APC: variants seen among roughly 807,000 people sequenced by gnomAD.
APC encodes the protein APC regulator of Wnt signaling pathway, also known as adenomatous polyposis coli protein.
APC carries 72 observed loss-of-function variants against 247.0 expected under a neutral mutation model. The observed-to-expected ratio is 0.29, with a 90% CI of 0.24 to 0.35. APC has a LOEUF of 0.35. APC is among the 10% of genes least tolerant of loss of function. The pLI, the probability that APC is intolerant of heterozygous loss-of-function variation, is 1.00. For synonymous variants in APC, 1,254 were observed against 1,162.5 expected (o/e 1.08, Z -1.60); for missense variants, 3,400 against 3,360.7 (o/e 1.01, Z -0.29).
intron 8 of APC, among the ~76,000 whole-genome samples, chr5:112,803,107 A>T (rs995504232): frequency 1.3e-5 from 2 of 152,158 alleles, no homozygotes; most frequent in African/African-American, 2.4e-5. Flanking sequence ...GGGGCCATTT[A>T]GTTGGCAAAA....
At chr5:112,807,248 A>G (rs548176519) in intron 8 of APC, among the ~76,000 whole-genome samples, 4 of 152,042 alleles carry the variant, frequency 2.6e-5, no homozygotes, top group East Asian at 1.9e-4. Flanking sequence ...GAGTGTTTCT[A>G]TGGCAATTAC....
At chr5:112,737,669 A>AGGGGTAC (rs1285612239), upstream of APC, among the ~76,000 whole-genome samples, 1 of 152,134 alleles carries the variant, frequency 6.6e-6, no homozygotes, top group African/African-American at 2.4e-5. Flanking sequence ...CATACCCCCG[A>AGGGGTAC]GGGGTACGGG....
chr5:112,715,022 G>A (rs940396592), intron 1 of APC, among the ~76,000 whole-genome samples: 6 of 152,120 alleles, frequency 3.9e-5, no homozygotes, highest in African/African-American at 1.4e-4. Flanking sequence ...ATTTAAGAAC[G>A]CCTCATTCCT....
Position 112,792,558 on chromosome 5 carries a change from G to T in APC, c.729+29G>T, listed in dbSNP as rs577773961. 2.6e-6 allele frequency: 4 copies of T among 1,513,932 alleles called. No individual in the cohort carries two copies. The African/African-American group carries it at 4.1e-5, about 16-fold the overall frequency. The allele number at this position is 1,513,932 out of a possible 1,614,324, so 93.8% of individuals were successfully genotyped here. On this transcript the variant is annotated intron_variant, in intron 7 of 15. Transcript: ENST00000257430. ...AGTAAATTGCCTTTCTTGTTTGTGG[G>T]TATAAAAATAGGTAGTTATTCTGAG...
At chr5:112,796,196 A>G (rs1484063325) in intron 7 of APC, among the ~76,000 whole-genome samples, 1 of 152,200 alleles carries the variant, frequency 6.6e-6, no homozygotes, top group Non-Finnish European at 1.5e-5. Flanking sequence ...TTTCATAGTC[A>G]AAGTAATGTA....
rs572839648 is a variant in APC, at chr5:112,840,119, C to T, written c.4525C>T (p.Leu1509=). ...TTCTTGTTCATCCAGCCTGAGTGCT[C>T]TGAGCCTCGATGAGCCATTTATACA... ...GFSCSSSLSA[L]SLDEPFIQKD... Residue 1509 remains leucine, a synonymous_variant, in exon 16 of 16, where the codon CTG becomes TTG. Coordinates refer to ENST00000257430, the MANE Select transcript of APC (RefSeq NM_000038.6). This position sits in a 1 kb window ranked among gnomAD's most constrained non-coding sequence, Gnocchi z 4.1. The T allele has an allele frequency of 1.2e-5, 19 of 1,614,060 alleles. No homozygotes were observed. In the South Asian group the frequency reaches 1.6e-4, roughly 14 times the overall value.
chr5:112,768,748 G>A (rs539216894), intron 4 of APC, among the ~76,000 whole-genome samples: 96 of 150,804 alleles, frequency 6.4e-4, no homozygotes, highest in African/African-American at 2.2e-3. Flanking sequence ...GTACAGTAGC[G>A]TAGAACACAG....
intron 6 of APC, chr5:112,783,765 C>CAAAAAAAAAA (rs77929348): frequency 5.0e-5 from 10 of 198,040 alleles, no homozygotes; most frequent in African/African-American, 9.8e-5. Flanking sequence ...CCACTGCACT[C>CAAAAAAAAAA]AAAAAAAAAA....
intron 1 of APC, among the ~76,000 whole-genome samples, chr5:112,708,567 A>G (rs1000744572): frequency 6.6e-6 from 1 of 152,224 alleles, no homozygotes; most frequent in African/African-American, 2.4e-5. Context: ...TCGTTTTAAA[A>G]AAGAAGACCT....
At chr5:112,715,247 A>G (rs953262843) in intron 1 of APC, among the ~76,000 whole-genome samples, 1 of 152,234 alleles carries the variant, frequency 6.6e-6, no homozygotes, top group Non-Finnish European at 1.5e-5. Context: ...TAGTGTGGCA[A>G]CATTGAGTGG....
intron 10 of APC, 49 bp from the exon 11 acceptor site, chr5:112,821,847 G>A (rs781624753): frequency 7.1e-7 from 1 of 1,411,402 alleles, no homozygotes; most frequent in South Asian, 1.2e-5. Flanking sequence ...AAACATCATT[G>A]CTCTTCAAAT....
chr5:112,806,373 A>G (rs1761382720), intron 8 of APC, among the ~76,000 whole-genome samples: 1 of 152,210 alleles, frequency 6.6e-6, no homozygotes, highest in African/African-American at 2.4e-5. Context: ...TAAATAGTAG[A>G]TAACAATAAA....
At chr5:112,816,778 AG>A (rs1395235360) in intron 9 of APC, among the ~76,000 whole-genome samples, 7 of 151,664 alleles carry the variant, frequency 4.6e-5, no homozygotes, top group East Asian at 3.9e-4. Context: ...GGGCAACAAG[AG>A]CAAAACTCCA....
chr5:112,813,784 C>T (rs996316767), intron 8 of APC, among the ~76,000 whole-genome samples: 4 of 151,186 alleles, frequency 2.6e-5, no homozygotes, highest in African/African-American at 9.7e-5. Context: ...AAAAAAAAAT[C>T]ACCAAAAGTG....
Position 112,753,783 on chromosome 5 carries a change from T to C in APC, c.-18-1090T>C, listed in dbSNP as rs2439591. On this transcript the variant is annotated intron_variant, in intron 1 of 15. Coordinates refer to ENST00000257430, the MANE Select transcript of APC (RefSeq NM_000038.6). ...AGTGTTACAACCTGTCTGCCTTATT[T>C]TGTGTAATGGATTTCATATTACAGA... Among the ~76,000 whole-genome samples, 100,602 of 152,044 alleles carry C rather than the reference T, an allele frequency of 0.66. 33,620 individuals carry two copies. The highest frequency in any genetic ancestry group is 0.8 in the East Asian group (4,112 of 5,166).
At position 112,842,720 on chromosome 5, in the gene APC, C is replaced by G. The variant is rs751810780; in HGVS notation, c.7126C>G (p.Gln2376Glu). 1 of 1,613,922 alleles carries G rather than the reference C, an allele frequency of 6.2e-7. No homozygotes were observed. Among genetic ancestry groups the G allele is most frequent in the East Asian group, 2.2e-5 (1 of 44,878 alleles). ...ATCTCCAGGTAGACAGATGAGCCAA[C>G]AGAACCTTACCAAACAAACAGGTTT... is the stretch of plus-strand genomic sequence containing the variant. ...YTSPGRQMSQ[Q>E]NLTKQTGLSK... Residue 2376 changes from glutamine (Q) to glutamate (E), a missense_variant, in exon 16 of 16, where the codon CAG becomes GAG. Around this residue, in one of 9 missense-constraint regions of APC, gnomAD observed 1,788 missense variants for 1,649.5 expected, o/e 1.08. Coordinates refer to ENST00000257430, the MANE Select transcript of APC (RefSeq NM_000038.6).
At chr5:112,799,739 T>A (rs947215913) in intron 7 of APC, among the ~76,000 whole-genome samples, 5 of 152,182 alleles carry the variant, frequency 3.3e-5, no homozygotes, top group South Asian at 2.1e-4. Context: ...TAAATTTTTT[T>A]ATCATATTCT....
chr5:112,843,521 C>A lies in APC; in HGVS notation c.7927C>A (p.Leu2643Ile), dbSNP rs2149996359. Residue 2643 changes from leucine (L) to isoleucine (I), a missense_variant, in exon 16 of 16, where the codon CTA becomes ATA. This residue lies in a region of APC where 1,788 missense variants were observed against 1,649.5 expected (regional missense o/e 1.08). Coordinates refer to ENST00000257430, the MANE Select transcript of APC (RefSeq NM_000038.6). This position sits in a 1 kb window ranked among gnomAD's most constrained non-coding sequence, Gnocchi z 4.8. ...TACAAATGGTGCTGAATCAAAGACT[C>A]TAATTTATCAAATGGCACCTGCTGT... ...GATNGAESKT[L>I]IYQMAPAVSK... The A allele has an allele frequency of 6.2e-7, 1 of 1,613,742 alleles. No individual in the cohort carries two copies. Among genetic ancestry groups the A allele is most frequent in the Non-Finnish European group, 8.5e-7 (1 of 1,179,718 alleles).
At chr5:112,757,634 G>A (rs989108228) in intron 2 of APC, among the ~76,000 whole-genome samples, 1 of 152,146 alleles carries the variant, frequency 6.6e-6, no homozygotes, top group Non-Finnish European at 1.5e-5. Context: ...GGAAGGCTGA[G>A]GTGGGAAGAT....
Sources: allele counts gnomAD v4.1 joint callset (sites outside exome capture counted in the v4.1 genomes callset), GRCh38; gene constraint gnomAD v4.1.1; regional missense constraint gnomAD v4.1.1; non-coding constraint Gnocchi (gnomAD v3.1); transcripts MANE v1.5; gene names NCBI Gene and HGNC (gene_info 2026-07-23, HGNC 2026-07-21).